Variants in STK35 observed in about 807,000 individuals in gnomAD.
STK35 encodes the protein serine/threonine-protein kinase 35.
In STK35, 17 loss-of-function variants were observed where a neutral mutation model predicts 37.3. The observed-to-expected ratio is 0.46, with a 90% confidence interval of 0.31 to 0.68. The LOEUF is 0.68. STK35 is among the 30% of genes least tolerant of loss of function. The probability of loss-of-function intolerance (pLI) is 0.05; values close to 1 mark genes in which losing one functional copy is unlikely to be tolerated. For synonymous variants in STK35, 385 were observed against 319.1 expected, an observed-to-expected ratio of 1.21 and a Z score of -2.20; for missense variants, 595 against 746.7, an observed-to-expected ratio of 0.80 and a Z score of 2.37.
chr20:2,133,972 CT>C (rs1179435151), intron 3 of STK35, among the ~76,000 whole-genome samples: 1 of 152,118 alleles, frequency 6.6e-6, no homozygotes, highest in Non-Finnish European at 1.5e-5. Context: ...CTTACTGGGC[CT>C]TACATGGGCC....
chr20:2,116,605 T>A, intron 2 of STK35, 61 bp from the exon 3 acceptor site: 3 of 1,527,018 alleles, frequency 2.0e-6, no homozygotes, highest in Non-Finnish European at 2.7e-6. Context: ...CATCCTTTAG[T>A]TAAAAAGAAG....
intron 3 of STK35, among the ~76,000 whole-genome samples, chr20:2,133,785 G>A (rs972013369): frequency 5.9e-5 from 9 of 152,196 alleles, no homozygotes; most frequent in African/African-American, 2.2e-4. Flanking sequence ...CAATCAAATT[G>A]TTTAAAACAA....
chr20:2,146,864 C>T lies in STK35; in HGVS notation c.*3118C>T, dbSNP rs927570543. ...CTCTTACCTCTAGCCAGGAGGATGC[C>T]TCAGTCTGTTCATTCGAGACTGGCC... On this transcript the variant is annotated 3_prime_UTR_variant, in exon 4 of 4. Transcript: ENST00000381482. The T allele has an allele frequency of 2.0e-5, 3 of 152,370 alleles. No individual in the cohort carries two copies. Among genetic ancestry groups the T allele is most frequent in the African/African-American group, 7.2e-5 (3 of 41,440 alleles). The allele number at this position is 152,370 out of a possible 1,614,324, so 9.4% of individuals were successfully genotyped here. A position where few individuals can be genotyped will look rare whatever the true frequency, so the allele number is the denominator to read the frequency against.
At position 2,102,067 on chromosome 20, in the gene STK35, C is replaced by G. The variant is rs918327962; in HGVS notation, c.186C>G (p.Thr62=). 6.6e-7 allele frequency: 1 copy of G among 1,522,210 alleles called. No homozygotes were observed. The highest frequency in any genetic ancestry group is 8.8e-7 in the Non-Finnish European group (1 of 1,139,730). The allele number at this position is 1,522,210 out of a possible 1,614,324, so 94.3% of individuals were successfully genotyped here. A position where few individuals can be genotyped will look rare whatever the true frequency, so the allele number is the denominator to read the frequency against. The change falls in exon 1 of 4, where the codon ACC becomes ACG. Residue 62 remains threonine, a synonymous_variant. Coordinates refer to ENST00000381482, the MANE Select transcript of STK35 (RefSeq NM_080836.4). Reference sequence around the variant, plus strand: ...CTACACGCCGGGCTCGGGCCGCCACCTCCCGCGCTGCTCGGTCCCGGAGGC... The same window carrying G: ...CTACACGCCGGGCTCGGGCCGCCACGTCCCGCGCTGCTCGGTCCCGGAGGC... ...GSATRRARAA[T]SRAARSRRQP...
At position 2,148,237 on chromosome 20, in the gene STK35, T is replaced by C. The variant is rs1986307726; in HGVS notation, c.*4491T>C. On this transcript the variant is annotated 3_prime_UTR_variant, in exon 4 of 4. Transcript: ENST00000381482. ...GTACATTGCAGTGACTTCTTAAACA[T>C]TTGTGTGGGACAGACGAGCGTGAGG... is the stretch of plus-strand genomic sequence containing the variant. The C allele has an allele frequency of 1.3e-5, 2 of 152,620 alleles. No homozygotes were observed. The highest frequency in any genetic ancestry group is 2.9e-5 in the Non-Finnish European group (2 of 68,024). The allele number at this position is 152,620 out of a possible 1,614,324, so 9.5% of individuals were successfully genotyped here.
intron 3 of STK35, among the ~76,000 whole-genome samples, chr20:2,135,692 G>A (rs1986074731): frequency 6.6e-6 from 1 of 152,130 alleles, no homozygotes; most frequent in African/African-American, 2.4e-5. Flanking sequence ...GCGAAACCCT[G>A]TCTCTACTAA....
intron 3 of STK35, among the ~76,000 whole-genome samples, chr20:2,137,291 T>G (rs1451971762): frequency 6.6e-6 from 1 of 152,166 alleles, no homozygotes; most frequent in Non-Finnish European, 1.5e-5. Flanking sequence ...GACCCTGACT[T>G]GGTGAAGGTC....
Position 2,116,848 on chromosome 20 carries a change from A to C in STK35, c.1075A>C (p.Arg359=). 6.2e-7 allele frequency: 1 copy of C among 1,614,186 alleles called. No homozygotes were observed. Among genetic ancestry groups the C allele is most frequent in the Non-Finnish European group, 8.5e-7 (1 of 1,180,042 alleles). ...AFLHKNHIVH[R]DLKPDNILIT... ...CCTGCACAAAAACCATATTGTGCACAGGGACCTGAAGCCAGACAACATCCT... is the reference window on the plus strand; with the variant it reads ...CCTGCACAAAAACCATATTGTGCACCGGGACCTGAAGCCAGACAACATCCT... The change falls in exon 3 of 4, where the codon AGG becomes CGG. Residue 359 remains arginine, a synonymous_variant. Coordinates refer to ENST00000381482, the MANE Select transcript of STK35 (RefSeq NM_080836.4).
intron 3 of STK35, among the ~76,000 whole-genome samples, chr20:2,119,660 C>T (rs1459737424): frequency 6.6e-6 from 1 of 152,220 alleles, no homozygotes; most frequent in Non-Finnish European, 1.5e-5. Context: ...CCCCCACCCC[C>T]TTTTCCCTTA....
intron 3 of STK35, among the ~76,000 whole-genome samples, chr20:2,140,603 G>A (rs6137103): frequency 0.33 from 50,353 of 151,936 alleles, 9,890 homozygotes; most frequent in East Asian, 0.92. Context: ...CCTCTCCCCA[G>A]TAGAGAGCCC....
chr20:2,105,986 C>T (rs770860746), intron 2 of STK35, among the ~76,000 whole-genome samples: 3 of 152,156 alleles, frequency 2.0e-5, no homozygotes, highest in Admixed American at 6.5e-5. Context: ...TGAACCTCTA[C>T]GGTGTTCAGG....
chr20:2,129,204 C>G (rs1055714403), intron 3 of STK35, among the ~76,000 whole-genome samples: 1 of 152,116 alleles, frequency 6.6e-6, no homozygotes, highest in African/African-American at 2.4e-5. Context: ...ATTGAGCACC[C>G]GCTGTGAGCC....
At chr20:2,125,003 A>C (rs1026182856) in intron 3 of STK35, among the ~76,000 whole-genome samples, 1 of 152,206 alleles carries the variant, frequency 6.6e-6, no homozygotes, top group South Asian at 2.1e-4. Context: ...TGTCCCTTGC[A>C]GCTCTGCAGG....
chr20:2,123,116 C>G (rs1985847399), intron 3 of STK35, among the ~76,000 whole-genome samples: 1 of 152,124 alleles, frequency 6.6e-6, no homozygotes. Context: ...CATTCATGGC[C>G]AAGTCTGCTG....
At chr20:2,121,379 A>G (rs937467321) in intron 3 of STK35, among the ~76,000 whole-genome samples, 12 of 152,198 alleles carry the variant, frequency 7.9e-5, no homozygotes, top group Non-Finnish European at 7.3e-5. Context: ...CGGCCGGATC[A>G]TATGGGAGGT....
chr20:2,130,454 G>T (rs1415060107), intron 3 of STK35, among the ~76,000 whole-genome samples: 3 of 152,134 alleles, frequency 2.0e-5, no homozygotes, highest in African/African-American at 7.2e-5. Context: ...TGTGTTTCAA[G>T]AACATGGCGT....
At chr20:2,127,839 G>A (rs1395933900) in intron 3 of STK35, among the ~76,000 whole-genome samples, 1 of 152,204 alleles carries the variant, frequency 6.6e-6, no homozygotes, top group Non-Finnish European at 1.5e-5. Context: ...GAGAGATCCA[G>A]ATGTGAGTCT....
At chr20:2,132,079 C>T (rs1362195855) in intron 3 of STK35, among the ~76,000 whole-genome samples, 1 of 152,164 alleles carries the variant, frequency 6.6e-6, no homozygotes, top group Non-Finnish European at 1.5e-5. Flanking sequence ...TGTTGTCCCC[C>T]CAACTCCCAC....
At chr20:2,119,005 C>T (rs992225681) in intron 3 of STK35, among the ~76,000 whole-genome samples, 1 of 152,184 alleles carries the variant, frequency 6.6e-6, no homozygotes, top group Non-Finnish European at 1.5e-5. Context: ...CATTGTTAAG[C>T]GACCCATAAC....
Sources: gnomAD v4.1 joint callset for allele counts (sites outside exome capture counted in the v4.1 genomes callset) on GRCh38, gnomAD v4.1.1 for gene constraint, MANE v1.5 for transcripts, NCBI Gene and HGNC (gene_info 2026-07-23, HGNC 2026-07-21) for gene names.